EMILIN2: variants seen among roughly 807,000 people sequenced by gnomAD.
EMILIN2 encodes the protein EMILIN-2.
In EMILIN2, 71 loss-of-function variants were observed where a neutral mutation model predicts 87.1. The ratio of observed to expected loss-of-function variants is 0.82; its 90% CI spans 0.67 to 0.99. The LOEUF (loss-of-function observed/expected upper bound fraction) is 0.99, where lower values mean the gene tolerates loss of function less well. Ranked by LOEUF, EMILIN2 falls within the 50% of genes least tolerant of loss-of-function variation. The pLI is 0.00. For missense variants in EMILIN2, 1,407 were observed against 1,371.8 expected (o/e 1.03, Z -0.40); for synonymous variants, 581 against 563.4 (o/e 1.03, Z -0.44).
At chr18:2,889,852 C>T (rs1460334084) in intron 3 of EMILIN2, among the ~76,000 whole-genome samples, 1 of 152,062 alleles carries the variant, frequency 6.6e-6, no homozygotes, top group African/African-American at 2.4e-5. Flanking sequence ...CATTCTTTGA[C>T]GTAGTGAATC....
intron 2 of EMILIN2, among the ~76,000 whole-genome samples, chr18:2,861,087 G>T (rs1426515575): frequency 7.3e-5 from 11 of 151,642 alleles, no homozygotes; most frequent in Non-Finnish European, 1.6e-4. Flanking sequence ...GGGGTTTTTT[G>T]TTTTTTTTCT....
intron 3 of EMILIN2, among the ~76,000 whole-genome samples, chr18:2,885,795 G>A (rs2076800889): frequency 6.6e-6 from 1 of 152,212 alleles, no homozygotes; most frequent in African/African-American, 2.4e-5. Context: ...TGGGATTACA[G>A]GCGTGAGCCA....
At chr18:2,876,308 G>A (rs910415344) in intron 2 of EMILIN2, among the ~76,000 whole-genome samples, 1 of 151,838 alleles carries the variant, frequency 6.6e-6, no homozygotes, top group Non-Finnish European at 1.5e-5. Context: ...AAGCTAGCTT[G>A]TTACTCTATG....
chr18:2,912,432 G>GT (rs1212628407), intron 7 of EMILIN2, among the ~76,000 whole-genome samples: 1 of 152,214 alleles, frequency 6.6e-6, no homozygotes, highest in Non-Finnish European at 1.5e-5. Context: ...TGCGGAGCCC[G>GT]TGAGTGATGG....
At chr18:2,905,300 C>CGGGG (rs397948248) in intron 4 of EMILIN2, among the ~76,000 whole-genome samples, 1 of 44,288 alleles carries the variant, frequency 2.3e-5, no homozygotes, top group Non-Finnish European at 4.0e-5. Flanking sequence ...GTGGGTGGGG[C>CGGGG]GGGGGGGGGG....
At position 2,891,753 on chromosome 18, in the gene EMILIN2, G is replaced by T. The variant is rs781718773; in HGVS notation, c.1626G>T (p.Leu542=). Residue 542 remains leucine (L), a synonymous_variant, in exon 4 of 8, where the codon CTG becomes CTT. Transcript: ENST00000254528. The surrounding 1 kb of genome is among the most constrained non-coding windows in gnomAD (Gnocchi z 4.6). Reference sequence around the variant, plus strand: ...GGGTCATGATGGAATTAAACCACCTGAAGGACAAAGTTCAAGTTGTTGAAG... The same window carrying T: ...GGGTCATGATGGAATTAAACCACCTTAAGGACAAAGTTCAAGTTGTTGAAG... The part of the protein sequence containing the change: ...DERVMMELNH[L]KDKVQVVEDI... The T allele has an allele frequency of 3.7e-6, 6 of 1,614,192 alleles. No homozygotes were observed. In the South Asian group the frequency reaches 6.6e-5, roughly 18 times the overall value.
rs748837788 is a variant in EMILIN2, at chr18:2,892,125, C to T, written c.1998C>T (p.Cys666=). 1 of 1,610,878 alleles carries T rather than the reference C, an allele frequency of 6.2e-7. No homozygotes were observed. Among genetic ancestry groups the T allele is most frequent in the South Asian group, 1.1e-5 (1 of 90,826 alleles). The change falls in exon 4 of 8, where the codon TGC becomes TGT. Residue 666 remains cysteine, a synonymous_variant. Coordinates refer to ENST00000254528, the MANE Select transcript of EMILIN2 (RefSeq NM_032048.3). ...LPSPQHPVAH[C]CSQLEERWQR... ...CCCCCCAGCACCCCGTGGCTCATTG[C>T]TGCAGTCAGCTGGAGGAGAGGTGGC...
rs965101614 is a variant in EMILIN2 at position 2,914,767 on chromosome 18, C to T, written c.*1363C>T. On this transcript the variant is annotated 3_prime_UTR_variant, in exon 8 of 8. Coordinates refer to ENST00000254528, the MANE Select transcript of EMILIN2 (RefSeq NM_032048.3). ...ATGAATTTACAGGGTGGCCACTGGA[C>T]ACTTCAGAGTTCCTTATTTACTCCC... is the stretch of plus-strand genomic sequence containing the variant. 1 of 103,912 alleles carries T rather than the reference C, an allele frequency of 9.6e-6. No individual in the cohort carries two copies. The highest frequency in any genetic ancestry group is 2.1e-5 in the Non-Finnish European group (1 of 48,268). 6.4% of individuals were successfully genotyped at this position (103,912 alleles called of 1,614,324 possible).
At chr18:2,896,290 C>T (rs595510) in intron 4 of EMILIN2, among the ~76,000 whole-genome samples, 25,410 of 152,016 alleles carry the variant, frequency 0.17, 2,472 homozygotes, top group Middle Eastern at 0.32. Flanking sequence ...ATTCTCCTGC[C>T]TCAGCCTCCC....
Position 2,890,631 on chromosome 18 carries a change from G to C in EMILIN2, c.504G>C (p.Trp168Cys). 6.2e-7 allele frequency: 1 copy of C among 1,613,694 alleles called. No homozygotes were observed. Among genetic ancestry groups the C allele is most frequent in the African/African-American group, 1.3e-5 (1 of 75,036 alleles). The stretch of plus-strand genomic sequence containing the variant: ...CAACTGGTACAGCACAACCAAGCTG[G>C]GGGGTAGATCCAAAAGAGGGGCCTC... ...LSPTGTAQPS[W>C]GVDPKEGPQE... is the part of the protein sequence containing the mutation. Residue 168 changes from tryptophan (W) to cysteine (C), a missense_variant, in exon 4 of 8, where the codon TGG becomes TGC. By Grantham distance (215) the Trp-to-Cys change is radical (BLOSUM62 -2). Coordinates refer to ENST00000254528, the MANE Select transcript of EMILIN2 (RefSeq NM_032048.3). This position sits in a 1 kb window ranked among gnomAD's most constrained non-coding sequence, Gnocchi z 4.7.
At chr18:2,860,764 G>T (rs1409343973) in intron 2 of EMILIN2, among the ~76,000 whole-genome samples, 1 of 152,130 alleles carries the variant, frequency 6.6e-6, no homozygotes, top group Non-Finnish European at 1.5e-5. Context: ...GTAATGGGAT[G>T]GCTGGGTCAA....
In EMILIN2 at chr18:2,890,726, ACCTCCAGTCTTC is replaced by A. The variant is rs757457887; in HGVS notation, c.603_614del (p.Gln202_Leu205del). On this transcript the variant is annotated inframe_deletion, in exon 4 of 8. Transcript: ENST00000254528. This position sits in a 1 kb window ranked among gnomAD's most constrained non-coding sequence, Gnocchi z 4.7. Reference sequence around the variant, plus strand: ...CTTCGACTCACAAGGACGGTTCTTGACCTCCAGTCTTCCCTTGCTGGAGTGAGTGAAAATCTC... The same window carrying A: ...CTTCGACTCACAAGGACGGTTCTTGACCTTGCTGGAGTGAGTGAAAATCTC... 6.2e-7 allele frequency: 1 copy of A among 1,614,024 alleles called. No individual in the cohort carries two copies. Among genetic ancestry groups the A allele is most frequent in the Non-Finnish European group, 8.5e-7 (1 of 1,180,002 alleles).
At chr18:2,875,462 AT>A (rs1208609799) in intron 2 of EMILIN2, among the ~76,000 whole-genome samples, 1 of 152,054 alleles carries the variant, frequency 6.6e-6, no homozygotes, top group African/African-American at 2.4e-5. Context: ...TATAGAATGT[AT>A]TTGGCTGAAA....
Position 2,892,340 on chromosome 18 carries a change from G to A in EMILIN2, c.2213G>A (p.Trp738Ter). The A allele has an allele frequency of 1.2e-6, 2 of 1,614,196 alleles. No homozygotes were observed. The highest frequency in any genetic ancestry group is 1.7e-6 in the Non-Finnish European group (2 of 1,180,042). The change falls in exon 4 of 8, where the codon TGG (tryptophan) becomes TAG (stop). Residue 738 changes from tryptophan (W) to a stop codon, truncating the protein, a stop_gained. Transcript: ENST00000254528. LOFTEE classifies it high-confidence loss of function. ...EGLNKHVSSLWNCVRQMNGTL... is the reference protein window; with the variant it reads ...EGLNKHVSSL ...CTCAACAAGCATGTCAGCAGCCTGT[G>A]GAACTGTGTCAGGCAGATGAACGGA...
intron 4 of EMILIN2, among the ~76,000 whole-genome samples, chr18:2,895,382 G>C (rs1420982401): frequency 6.6e-6 from 1 of 152,202 alleles, no homozygotes; most frequent in Non-Finnish European, 1.5e-5. Context: ...GATTCAGAAA[G>C]CAGGAGGGGA....
chr18:2,861,995 A>G (rs1162855550), intron 2 of EMILIN2, among the ~76,000 whole-genome samples: 2 of 152,214 alleles, frequency 1.3e-5, no homozygotes, highest in Non-Finnish European at 2.9e-5. Flanking sequence ...CTTTGAAGCA[A>G]TTGTGAATGG....
At position 2,891,329 on chromosome 18, in the gene EMILIN2, A is replaced by G. The variant is rs146764461; in HGVS notation, c.1202A>G (p.Lys401Arg). The G allele has an allele frequency of 4.3e-5, 69 of 1,614,238 alleles. No individual in the cohort carries two copies. The highest frequency in any genetic ancestry group is 5.5e-5 in the Non-Finnish European group (65 of 1,180,034). ...CAGGCAAATTGCTGCGACAGTGAAA[A>G]GAATGGTGACATTGGTCAACAGATC... ...SAQANCCDSEKNGDIGQQIKT... is the reference protein window; with the variant it reads ...SAQANCCDSERNGDIGQQIKT... The change falls in exon 4 of 8, where the codon AAG (lysine) becomes AGG (arginine). Residue 401 changes from lysine (K) to arginine (R), a missense_variant. Lys to Arg is a conservative substitution (Grantham distance 26, BLOSUM62 2). Coordinates refer to ENST00000254528, the MANE Select transcript of EMILIN2 (RefSeq NM_032048.3). This position sits in a 1 kb window ranked among gnomAD's most constrained non-coding sequence, Gnocchi z 4.6.
intron 2 of EMILIN2, among the ~76,000 whole-genome samples, chr18:2,856,003 G>T (rs562813545): frequency 3.9e-5 from 6 of 152,276 alleles, no homozygotes; most frequent in Non-Finnish European, 7.4e-5. Flanking sequence ...TTGGAGAAAG[G>T]CTAAAATGCT....
chr18:2,851,608 C>T (rs2076602133), intron 2 of EMILIN2, among the ~76,000 whole-genome samples: 2 of 152,178 alleles, frequency 1.3e-5, no homozygotes, highest in Admixed American at 1.3e-4. Context: ...CCCTGACAGC[C>T]TCCTTAGCTG....
Sources: gnomAD v4.1 joint callset for allele counts (sites outside exome capture counted in the v4.1 genomes callset) on GRCh38, gnomAD v4.1.1 for gene constraint, Gnocchi (gnomAD v3.1) non-coding constraint, MANE v1.5 for transcripts, NCBI Gene and HGNC (gene_info 2026-07-23, HGNC 2026-07-21) for gene names.